Variants in RANBP10 observed in about 807,000 individuals in gnomAD.
RANBP10 encodes the protein RAN binding protein 10.
In RANBP10, 24 loss-of-function variants were observed where a neutral mutation model predicts 72.8. The ratio of observed to expected loss-of-function variants is 0.33; its 90% CI spans 0.24 to 0.46. RANBP10 has a LOEUF of 0.46. RANBP10 is among the 20% of genes least tolerant of loss of function. RANBP10 has a pLI of 1.00. For synonymous variants in RANBP10, 310 were observed against 322.3 expected (o/e 0.96, Z 0.41); for missense variants, 679 against 817.5 (o/e 0.83, Z 2.07).
At position 67,728,458 on chromosome 16, in the gene RANBP10, C is replaced by A; in HGVS notation, c.1406G>T (p.Ser469Ile). 6.2e-7 allele frequency: 1 copy of A among 1,614,142 alleles called. No homozygotes were observed. The highest frequency in any genetic ancestry group is 8.5e-7 in the Non-Finnish European group (1 of 1,180,006). ...ACCATTAACAATGCGTGTGGACATG[C>A]TTCCTAGCACACCGTTGGGGTAGTG... ...AEHYPNGVLG[S>I]MSTRIVNGAY... Residue 469 changes from serine to isoleucine, a missense_variant, in exon 11 of 14, where the codon AGC (serine) becomes ATC (isoleucine). Coordinates refer to ENST00000317506, the MANE Select transcript of RANBP10 (RefSeq NM_020850.3).
intron 2 of RANBP10, among the ~76,000 whole-genome samples, chr16:67,781,985 A>G (rs2054822800): frequency 6.6e-6 from 1 of 152,132 alleles, no homozygotes; most frequent in Non-Finnish European, 1.5e-5. Context: ...GGGTCCACCC[A>G]GCCCTGCCAC....
At chr16:67,742,321 G>T (rs1319803989) in intron 4 of RANBP10, among the ~76,000 whole-genome samples, 1 of 152,014 alleles carries the variant, frequency 6.6e-6, no homozygotes, top group African/African-American at 2.4e-5. Flanking sequence ...GTAACTTCAT[G>T]AAAACATAAA....
chr16:67,791,963 A>G (rs1455552168), intron 2 of RANBP10, among the ~76,000 whole-genome samples: 1 of 151,420 alleles, frequency 6.6e-6, no homozygotes, highest in Non-Finnish European at 1.5e-5. Flanking sequence ...GAGGATTGCT[A>G]GTGCCCAAGA....
rs2053731065 is a variant in RANBP10, at chr16:67,731,475, G to T, written c.886C>A (p.Gln296Lys). 1.2e-6 allele frequency: 2 copies of T among 1,610,742 alleles called. No homozygotes were observed. The highest frequency in any genetic ancestry group is 1.7e-5 in the Admixed American group (1 of 60,028). Reference protein sequence around the residue: ...QEEQASIKNRQKIQKLVLEGR... With the variant: ...QEEQASIKNRKKIQKLVLEGR... Reference sequence around the variant, plus strand: ...GGGAAAGTAGAATAAACCTTACTTTGTCTGTTCTTTATGGACGCCTGTTCT... The same window carrying T: ...GGGAAAGTAGAATAAACCTTACTTTTTCTGTTCTTTATGGACGCCTGTTCT... Residue 296 changes from glutamine to lysine, a missense_variant, in exon 7 of 14, where the codon CAA becomes AAA. Transcript: ENST00000317506.
intron 4 of RANBP10, among the ~76,000 whole-genome samples, chr16:67,741,509 C>A (rs990129754): frequency 6.6e-6 from 1 of 152,240 alleles, no homozygotes; most frequent in East Asian, 1.9e-4. Context: ...CAGAGCCAAA[C>A]AGACACAGGT....
chr16:67,790,680 G>A (rs1294117490), intron 2 of RANBP10, among the ~76,000 whole-genome samples: 1 of 151,556 alleles, frequency 6.6e-6, no homozygotes, highest in African/African-American at 2.4e-5. Context: ...GGACCCAACT[G>A]TTTCTACTTT....
intron 2 of RANBP10, among the ~76,000 whole-genome samples, chr16:67,785,560 T>G (rs778314488): frequency 3.2e-4 from 48 of 151,304 alleles, no homozygotes; most frequent in Non-Finnish European, 5.3e-4. Context: ...AAACCCCGTC[T>G]CCACTAAAAA....
chr16:67,759,916 C>T (rs1305451537), intron 3 of RANBP10, among the ~76,000 whole-genome samples: 1 of 151,990 alleles, frequency 6.6e-6, no homozygotes, highest in African/African-American at 2.4e-5. Flanking sequence ...CTGGCTAACA[C>T]AGTGAAACCC....
intron 6 of RANBP10, 110 bp downstream of exon 6, chr16:67,734,748 A>T (rs1370280037): frequency 8.5e-7 from 1 of 1,181,044 alleles, no homozygotes; most frequent in Admixed American, 3.5e-5. Flanking sequence ...CTTCCCAGAA[A>T]GGATCCACCC....
chr16:67,779,994 G>A (rs889131120), intron 2 of RANBP10, among the ~76,000 whole-genome samples: 1 of 152,212 alleles, frequency 6.6e-6, no homozygotes, highest in African/African-American at 2.4e-5. Context: ...AGCACTTTGG[G>A]AGGCCAAGGC....
chr16:67,791,866 T>C (rs1240129629), intron 2 of RANBP10, among the ~76,000 whole-genome samples: 1 of 152,050 alleles, frequency 6.6e-6, no homozygotes, highest in Non-Finnish European at 1.5e-5. Context: ...TTTTATTTCA[T>C]AGTCTAATCG....
In RANBP10 at chr16:67,799,246, G is replaced by C. The variant is rs148522089; in HGVS notation, c.347+6182C>G. 7.2e-3 allele frequency among the ~76,000 whole-genome samples: 1,080 copies of C among 149,174 alleles called. 14 individuals carry two copies. Among genetic ancestry groups the C allele is most frequent in the African/African-American group, 0.025 (1,028 of 40,328 alleles). ...CCAGGCCACACACAAGGTATTTTCA[G>C]TCTGGCCCTACCGACCTCATGTTCT... On this transcript the variant is annotated intron_variant, in intron 2 of 13. Coordinates refer to ENST00000317506, the MANE Select transcript of RANBP10 (RefSeq NM_020850.3).
rs371016946 is a variant in RANBP10 at position 67,727,736 on chromosome 16, C to T, written c.1620+15G>A. The T allele has an allele frequency of 1.2e-5, 20 of 1,613,836 alleles. No homozygotes were observed. Among genetic ancestry groups the T allele is most frequent in the African/African-American group, 6.7e-5 (5 of 74,906 alleles). The stretch of plus-strand genomic sequence containing the variant: ...AATGGGGCCTGCTCTGCATGAGGCC[C>T]GGCTCATCCTGTACCTGCAGCATCT... On this transcript the variant is annotated intron_variant, in intron 12 of 13. Transcript: ENST00000317506.
chr16:67,733,130 C>T (rs576200093), intron 6 of RANBP10, among the ~76,000 whole-genome samples: 6 of 151,432 alleles, frequency 4.0e-5, no homozygotes, highest in South Asian at 2.1e-4. Context: ...TTTGGGAGGC[C>T]GAGGCAGGAA....
intron 2 of RANBP10, among the ~76,000 whole-genome samples, chr16:67,793,369 T>C (rs2055065926): frequency 6.7e-6 from 1 of 149,844 alleles, no homozygotes; most frequent in Non-Finnish European, 1.5e-5. Context: ...TGGAGCACAA[T>C]GGCACGACCA....
chr16:67,769,472 G>A (rs1322072946), intron 3 of RANBP10, among the ~76,000 whole-genome samples: 2 of 36,290 alleles, frequency 5.5e-5, no homozygotes, highest in Non-Finnish European at 7.2e-5. Flanking sequence ...AGTGCTGGGC[G>A]CAGTGGCTCA....
At position 67,728,274 on chromosome 16, in the gene RANBP10, C is replaced by A. The variant is rs748423767; in HGVS notation, c.1474+116G>T. ...CGGCTAAGGAGGCTGTGGACCAGGT[C>A]TGGCTGAAGCTTCTCAAGATGCCAA... is the stretch of plus-strand genomic sequence containing the variant. On this transcript the variant is annotated intron_variant, in intron 11 of 13. Transcript: ENST00000317506. 1.1e-5 allele frequency: 12 copies of A among 1,134,190 alleles called. No individual in the cohort carries two copies. The South Asian group carries it at 1.5e-4, about 14-fold the overall frequency. 70.3% of individuals were successfully genotyped at this position (1,134,190 alleles called of 1,614,324 possible). A position where few individuals can be genotyped will look rare whatever the true frequency, so the allele number is the denominator to read the frequency against.
In RANBP10 at chr16:67,744,394, C is replaced by G; in HGVS notation, c.462G>C (p.Gly154=). The part of the protein sequence containing the change: ...GDDGHSFCSS[G]TGQPYGPTFT... Reference sequence around the variant, plus strand: ...ATGTGGGACCATAGGGCTGGCCAGTCCCCGAGGAGCAGAACGAATGCCCAT... The same window carrying G: ...ATGTGGGACCATAGGGCTGGCCAGTGCCCGAGGAGCAGAACGAATGCCCAT... The change falls in exon 4 of 14, where the codon GGG becomes GGC. Residue 154 remains glycine (G), a synonymous_variant. Coordinates refer to ENST00000317506, the MANE Select transcript of RANBP10 (RefSeq NM_020850.3). 6.2e-7 allele frequency: 1 copy of G among 1,614,208 alleles called. No homozygotes were observed.
At chr16:67,728,675 T>G in intron 10 of RANBP10, 164 bp from the exon 11 acceptor site, 2 of 1,286,414 alleles carry the variant, frequency 1.6e-6, no homozygotes, top group Non-Finnish European at 2.1e-6. Context: ...ACTTGGCCCC[T>G]ACTGTGACAC....
Sources: allele counts gnomAD v4.1 joint callset (sites outside exome capture counted in the v4.1 genomes callset), GRCh38; gene constraint gnomAD v4.1.1; transcripts MANE v1.5; gene names NCBI Gene and HGNC (gene_info 2026-07-23, HGNC 2026-07-21).